Variants in SMC5 observed in about 807,000 individuals in gnomAD.
SMC5 encodes structural maintenance of chromosomes protein 5.
Under a neutral mutation model 148.3 loss-of-function variants are expected in SMC5, and 88 were observed. That is an observed-to-expected ratio of 0.59 (90% CI 0.50 to 0.71). The LOEUF (loss-of-function observed/expected upper bound fraction) is 0.71, where lower values mean the gene tolerates loss of function less well. SMC5 is among the 30% of genes least tolerant of loss of function. The probability of loss-of-function intolerance (pLI) is 0.00; values close to 1 mark genes in which losing one functional copy is unlikely to be tolerated. For synonymous variants in SMC5, 421 were observed against 432.8 expected (o/e 0.97, Z 0.34); for missense variants, 1,142 against 1,298.9 (o/e 0.88, Z 1.86).
At chr9:70,322,472 C>T (rs1290839670) in intron 15 of SMC5, among the ~76,000 whole-genome samples, 2 of 152,202 alleles carry the variant, frequency 1.3e-5, no homozygotes, top group Admixed American at 1.3e-4. Flanking sequence ...CTAGTCACTT[C>T]TGTATTTAAT....
chr9:70,311,250 G>T (rs1052633400), intron 11 of SMC5: 1 of 152,122 alleles, frequency 6.6e-6, no homozygotes, highest in African/African-American at 2.4e-5. Context: ...AGAGGCTATT[G>T]TAGGGTTATT....
At chr9:70,282,699 GTT>G in intron 7 of SMC5, 116 bp downstream of exon 7, 1 of 1,071,504 alleles carries the variant, frequency 9.3e-7, no homozygotes, top group Non-Finnish European at 1.3e-6. Context: ...CATTTCTTAA[GTT>G]TTTTAACCAG....
At chr9:70,329,690 T>C (rs139687562) in intron 17 of SMC5, among the ~76,000 whole-genome samples, 19 of 152,336 alleles carry the variant, frequency 1.2e-4, no homozygotes, top group African/African-American at 4.3e-4. Context: ...CCTCTGCTTA[T>C]TACCCAGTTC....
At position 70,265,362 on chromosome 9, in the gene SMC5, A is replaced by G. The variant is rs949494472; in HGVS notation, c.327+917A>G. Among the ~76,000 whole-genome samples the G allele has an allele frequency of 2.0e-5, 3 of 152,178 alleles. No homozygotes were observed. The South Asian group carries it at 6.2e-4, about 32-fold the overall frequency. ...TAATCCCAGCTACTAGGGAGGCTGA[A>G]GCAGGAGAATTGCTTGAATCCAGGA... On this transcript the variant is annotated intron_variant, in intron 2 of 24. Transcript: ENST00000361138.
chr9:70,314,103 C>T (rs1019403797), intron 11 of SMC5, among the ~76,000 whole-genome samples: 4 of 152,176 alleles, frequency 2.6e-5, no homozygotes, highest in African/African-American at 7.2e-5. Context: ...TTTGAGGCTT[C>T]TCACTTTGCA....
At chr9:70,302,513 A>G (rs1236135801) in intron 10 of SMC5, among the ~76,000 whole-genome samples, 1 of 150,644 alleles carries the variant, frequency 6.6e-6, no homozygotes, top group African/African-American at 2.4e-5. Context: ...ATATATATAT[A>G]TATATAAATT....
chr9:70,308,201 C>T (rs1361851020), intron 11 of SMC5, among the ~76,000 whole-genome samples: 1 of 152,102 alleles, frequency 6.6e-6, no homozygotes, highest in Non-Finnish European at 1.5e-5. Flanking sequence ...AGTCTTTCTC[C>T]TTTGCATATT....
intron 18 of SMC5, 178 bp from the exon 19 acceptor site, chr9:70,346,427 A>G (rs906268553): frequency 6.1e-6 from 4 of 651,104 alleles, no homozygotes; most frequent in South Asian, 4.0e-5. Context: ...AAAAAAGTAT[A>G]TGTTCTAATT....
At chr9:70,349,078 T>C (rs1174958913) in intron 22 of SMC5, among the ~76,000 whole-genome samples, 2 of 152,268 alleles carry the variant, frequency 1.3e-5, no homozygotes, top group Non-Finnish European at 2.9e-5. Flanking sequence ...TTTTTCGTTT[T>C]GGTTTTTTGA....
chr9:70,351,437 A>G (rs1564077078), intron 24 of SMC5, among the ~76,000 whole-genome samples: 1 of 151,788 alleles, frequency 6.6e-6, no homozygotes, highest in Non-Finnish European at 1.5e-5. Flanking sequence ...TTTTCAGTAG[A>G]TAGTCTTGTG....
At chr9:70,262,638 T>C (rs1342308649) in intron 1 of SMC5, among the ~76,000 whole-genome samples, 6 of 152,210 alleles carry the variant, frequency 3.9e-5, no homozygotes, top group Admixed American at 3.9e-4. Context: ...TTATGGGACA[T>C]TCAAATAGCG....
At chr9:70,288,297 C>A (rs962210419) in intron 8 of SMC5, among the ~76,000 whole-genome samples, 3 of 152,072 alleles carry the variant, frequency 2.0e-5, no homozygotes, top group Non-Finnish European at 2.9e-5. Flanking sequence ...CTTATGCAGA[C>A]CTGGTAAATA....
intron 17 of SMC5, among the ~76,000 whole-genome samples, chr9:70,343,707 T>TC (rs1444179770): frequency 6.6e-5 from 10 of 151,990 alleles, no homozygotes; most frequent in African/African-American, 2.4e-4. Flanking sequence ...TCTCAGCTAC[T>TC]CGGGAGGCTG....
In SMC5 at chr9:70,318,983, G is replaced by T. The variant is rs146029239; in HGVS notation, c.2150+20G>T. 1.3e-6 allele frequency: 2 copies of T among 1,584,774 alleles called. No individual in the cohort carries two copies. The highest frequency in any genetic ancestry group is 2.3e-5 in the East Asian group (1 of 44,434). ...AGGAAGGTATCTTTTAGCCTATTCA[G>T]GGGGGAGAGCACAAATTACTGTATG... On this transcript the variant is annotated intron_variant, in intron 15 of 24. Transcript: ENST00000361138.
At chr9:70,269,212 G>A (rs1297443195) in intron 3 of SMC5, among the ~76,000 whole-genome samples, 1 of 152,164 alleles carries the variant, frequency 6.6e-6, no homozygotes, top group African/African-American at 2.4e-5. Context: ...ATAGAATTTT[G>A]TTGAAGAATA....
chr9:70,287,122 T>A (rs1313240054), intron 8 of SMC5, among the ~76,000 whole-genome samples: 1 of 152,242 alleles, frequency 6.6e-6, no homozygotes, highest in African/African-American at 2.4e-5. Context: ...TGTAAAACTT[T>A]AGCCTACTGC....
intron 11 of SMC5, among the ~76,000 whole-genome samples, chr9:70,308,590 C>CAAAAAA (rs59441324): frequency 2.8e-5 from 2 of 72,250 alleles, no homozygotes; most frequent in African/African-American, 5.4e-5. Flanking sequence ...GACTCTGTCT[C>CAAAAAA]AAAAAAAAAA....
At position 70,319,080 on chromosome 9, in the gene SMC5, A is replaced by G. The variant is rs577923105; in HGVS notation, c.2150+117A>G. 26 of 945,776 alleles carry G rather than the reference A, an allele frequency of 2.7e-5. No individual in the cohort carries two copies. In the East Asian group the frequency reaches 6.4e-4, roughly 23 times the overall value. 58.6% of individuals were successfully genotyped at this position (945,776 alleles called of 1,614,324 possible). ...CACGCTTTGTAGTAATTTCTCTTTA[A>G]TCTTTAATCTTACTGCATAAAACAC... is the stretch of plus-strand genomic sequence containing the variant. On this transcript the variant is annotated intron_variant, in intron 15 of 24. Transcript: ENST00000361138.
chr9:70,282,551 C>G lies in SMC5; in HGVS notation c.949C>G (p.Arg317Gly). 1 of 1,586,672 alleles carries G rather than the reference C, an allele frequency of 6.3e-7. No individual in the cohort carries two copies. The highest frequency in any genetic ancestry group is 8.5e-7 in the Non-Finnish European group (1 of 1,170,300). The change falls in exon 7 of 25, where the codon CGT (arginine) becomes GGT (glycine). Residue 317 changes from arginine to glycine, a missense_variant. Transcript: ENST00000361138. ...TCGAATTGAAGAAATGGAAAACGAG[C>G]GTCACAATTTGGAGGCTCGAATCAA... ...TCRIEEMENE[R>G]HNLEARIKEK...
Sources: allele counts gnomAD v4.1 joint callset (sites outside exome capture counted in the v4.1 genomes callset), GRCh38; gene constraint gnomAD v4.1.1; transcripts MANE v1.5; gene names NCBI Gene and HGNC (gene_info 2026-07-23, HGNC 2026-07-21).